NKAIN2: variants seen among roughly 807,000 people sequenced by gnomAD.
The protein encoded by NKAIN2 is sodium/potassium transporting ATPase interacting 2, also known as sodium/potassium-transporting ATPase subunit beta-1-interacting protein 2.
In NKAIN2, 14 loss-of-function variants were observed where a neutral mutation model predicts 32.6. That is an observed-to-expected ratio of 0.43 (90% CI 0.28 to 0.67). NKAIN2 has a LOEUF of 0.67. Ranked by LOEUF, NKAIN2 falls within the 30% of genes least tolerant of loss-of-function variation. The pLI is 0.17. For missense variants in NKAIN2, 198 were observed against 258.3 expected, an observed-to-expected ratio of 0.77 and a Z score of 1.60; for synonymous variants, 80 against 87.2, an observed-to-expected ratio of 0.92 and a Z score of 0.46.
intron 3 of NKAIN2, among the ~76,000 whole-genome samples, chr6:124,508,726 G>C (rs1778593273): frequency 6.6e-6 from 1 of 152,130 alleles, no homozygotes; most frequent in Non-Finnish European, 1.5e-5. Flanking sequence ...CAGTTCTGGA[G>C]GCTAGCAGTG....
At chr6:124,750,443 G>C (rs1268312421) in intron 4 of NKAIN2, among the ~76,000 whole-genome samples, 2 of 151,766 alleles carry the variant, frequency 1.3e-5, no homozygotes, top group East Asian at 3.9e-4. Context: ...TATCATTTTA[G>C]CCATAGCACC....
chr6:124,050,365 T>G (rs1159330138), intron 1 of NKAIN2, among the ~76,000 whole-genome samples: 3 of 152,028 alleles, frequency 2.0e-5, no homozygotes, highest in Non-Finnish European at 2.9e-5. Context: ...AAGTAAAATA[T>G]ATAATCTTGC....
chr6:124,007,717 C>A (rs535317178), intron 1 of NKAIN2, among the ~76,000 whole-genome samples: 2 of 152,174 alleles, frequency 1.3e-5, no homozygotes, highest in Non-Finnish European at 2.9e-5. Context: ...TTTTAACCAA[C>A]GACTTACATT....
intron 3 of NKAIN2, among the ~76,000 whole-genome samples, chr6:124,625,545 A>G (rs1783286874): frequency 6.6e-6 from 1 of 152,120 alleles, no homozygotes; most frequent in Admixed American, 6.6e-5. Context: ...TTAGTATGAT[A>G]ATAATAATAG....
At chr6:124,360,422 T>C (rs1466326296) in intron 3 of NKAIN2, among the ~76,000 whole-genome samples, 2 of 152,176 alleles carry the variant, frequency 1.3e-5, no homozygotes, top group Non-Finnish European at 2.9e-5. Flanking sequence ...TGTACATTCA[T>C]ATTGAAATGA....
Position 124,127,448 on chromosome 6 carries a change from G to A in NKAIN2, c.55-155557G>A, listed in dbSNP as rs143146046. On this transcript the variant is annotated intron_variant, in intron 1 of 6. Coordinates refer to ENST00000368417, the MANE Select transcript of NKAIN2 (RefSeq NM_001040214.3). ...AGAGATGACAGTAGAATAGTCACAT[G>A]GAAATATTTACTAGTTAATTTTGTA... 5.6e-3 allele frequency among the ~76,000 whole-genome samples: 847 copies of A among 152,238 alleles called. 9 individuals carry two copies. Among genetic ancestry groups the A allele is most frequent in the African/African-American group, 0.02 (811 of 41,544 alleles).
chr6:124,254,187 G>A (rs1165259111), intron 1 of NKAIN2, among the ~76,000 whole-genome samples: 1 of 148,366 alleles, frequency 6.7e-6, no homozygotes, highest in African/African-American at 2.5e-5. Context: ...CCTGACCTCA[G>A]GTGATCCGCC....
At chr6:124,775,778 G>T (rs1218600826) in intron 4 of NKAIN2, among the ~76,000 whole-genome samples, 1 of 152,144 alleles carries the variant, frequency 6.6e-6, no homozygotes, top group Non-Finnish European at 1.5e-5. Flanking sequence ...ATCAGTCAGG[G>T]TTACTGCACT....
intron 1 of NKAIN2, among the ~76,000 whole-genome samples, chr6:124,210,702 T>A (rs1295465066): frequency 6.6e-6 from 1 of 151,686 alleles, no homozygotes; most frequent in Non-Finnish European, 1.5e-5. Context: ...GAGATTAGTT[T>A]CTTGATTTTT....
intron 1 of NKAIN2, among the ~76,000 whole-genome samples, chr6:123,949,216 C>T (rs968678134): frequency 6.6e-6 from 1 of 151,810 alleles, no homozygotes; most frequent in Non-Finnish European, 1.5e-5. Context: ...TACTACCTGA[C>T]TTGAGTAAGG....
chr6:124,156,055 T>C (rs995553614), intron 1 of NKAIN2, among the ~76,000 whole-genome samples: 3 of 151,950 alleles, frequency 2.0e-5, no homozygotes, highest in African/African-American at 7.3e-5. Flanking sequence ...GTAGAGTTGC[T>C]TTTGAATAGG....
At chr6:124,665,959 A>G (rs1339263248) in intron 4 of NKAIN2, among the ~76,000 whole-genome samples, 1 of 152,122 alleles carries the variant, frequency 6.6e-6, no homozygotes, top group Admixed American at 6.5e-5. Context: ...TTCCTAGTCC[A>G]GTATCAAAGA....
intron 3 of NKAIN2, among the ~76,000 whole-genome samples, chr6:124,372,820 A>G (rs1799822848): frequency 8.5e-6 from 1 of 117,780 alleles, no homozygotes; most frequent in African/African-American, 3.2e-5. Context: ...AAAATAATAG[A>G]TATTTGTTAA....
At chr6:124,821,194 C>T (rs1781380515) in intron 6 of NKAIN2, among the ~76,000 whole-genome samples, 1 of 151,620 alleles carries the variant, frequency 6.6e-6, no homozygotes, top group Non-Finnish European at 1.5e-5. Context: ...ACTCGGGAGG[C>T]TGAGGCAGGA....
At chr6:124,071,408 C>T (rs180678531) in intron 1 of NKAIN2, among the ~76,000 whole-genome samples, 2 of 152,134 alleles carry the variant, frequency 1.3e-5, no homozygotes, top group Admixed American at 6.5e-5. Flanking sequence ...AGACATCAGA[C>T]TTTGGAAATA....
chr6:124,787,018 T>A (rs1779533398), intron 4 of NKAIN2, among the ~76,000 whole-genome samples: 1 of 152,106 alleles, frequency 6.6e-6, no homozygotes, highest in Non-Finnish European at 1.5e-5. Flanking sequence ...TTGGAAGATG[T>A]ACTCTCCATC....
At chr6:124,651,475 T>C (rs1784365771) in intron 3 of NKAIN2, among the ~76,000 whole-genome samples, 1 of 152,168 alleles carries the variant, frequency 6.6e-6, no homozygotes, top group South Asian at 2.1e-4. Context: ...GCCTAATGTA[T>C]TCTTTGATTA....
At chr6:123,849,139 T>G (rs892190924) in intron 1 of NKAIN2, among the ~76,000 whole-genome samples, 1 of 152,220 alleles carries the variant, frequency 6.6e-6, no homozygotes, top group Non-Finnish European at 1.5e-5. Context: ...GATACTATAT[T>G]AGTTTCTCTT....
intron 3 of NKAIN2, among the ~76,000 whole-genome samples, chr6:124,455,081 T>C (rs1776266551): frequency 6.6e-6 from 1 of 152,078 alleles, no homozygotes; most frequent in Admixed American, 6.6e-5. Context: ...CACTATCATG[T>C]ATGTTGAAAT....
Sources: gnomAD v4.1 joint callset for allele counts (sites outside exome capture counted in the v4.1 genomes callset) on GRCh38, gnomAD v4.1.1 for gene constraint, MANE v1.5 for transcripts, NCBI Gene and HGNC (gene_info 2026-07-23, HGNC 2026-07-21) for gene names.